Variants in UGT1A10 observed in about 807,000 individuals in gnomAD.
UGT1A10 encodes the protein UDP-glucuronosyltransferase 1A10.
UGT1A10 carries 49 observed loss-of-function variants against 45.8 expected under a neutral mutation model. The observed-to-expected ratio is 1.07, with a 90% CI of 0.85 to 1.36. The LOEUF (loss-of-function observed/expected upper bound fraction) is 1.36. Ranked by LOEUF, UGT1A10 falls within the 40% of genes most tolerant of loss-of-function variation. UGT1A10 has a pLI of 0.00. For synonymous variants in UGT1A10, 284 were observed against 249.7 expected, an observed-to-expected ratio of 1.14 and a Z score of -1.29; for missense variants, 745 against 668.6, an observed-to-expected ratio of 1.11 and a Z score of -1.26.
intron 1 of UGT1A10, among the ~76,000 whole-genome samples, chr2:233,664,688 C>T (rs2074038314): frequency 6.6e-6 from 1 of 152,116 alleles, no homozygotes; most frequent in South Asian, 2.1e-4. Flanking sequence ...CAACACAAAG[C>T]CATGAGGGAT....
chr2:233,748,577 A>T (rs1363502467), intron 1 of UGT1A10, among the ~76,000 whole-genome samples: 1 of 151,860 alleles, frequency 6.6e-6, no homozygotes, highest in Non-Finnish European at 1.5e-5. Context: ...AGTGTTAAAG[A>T]GGTTGACTCA....
chr2:233,717,564 G>A (rs569646597), intron 1 of UGT1A10, among the ~76,000 whole-genome samples: 3 of 152,318 alleles, frequency 2.0e-5, no homozygotes, highest in African/African-American at 7.2e-5. Context: ...GGCAGACATG[G>A]CCAGGCATGT....
At chr2:233,716,310 C>G (rs1253519294) in intron 1 of UGT1A10, among the ~76,000 whole-genome samples, 4 of 152,212 alleles carry the variant, frequency 2.6e-5, no homozygotes, top group African/African-American at 9.7e-5. Flanking sequence ...TCTCTTCCAC[C>G]TGTAATGGAA....
intron 1 of UGT1A10, chr2:233,760,701 C>T (rs768185321): frequency 1.2e-5 from 19 of 1,614,172 alleles, no homozygotes; most frequent in Non-Finnish European, 1.6e-5. Flanking sequence ...AGCTCATGGC[C>T]TCCCTGGCAG....
rs45619032 is a variant in UGT1A10, at chr2:233,765,042, C to T, written c.856-1992C>T. ...GGCAGGAGTCCTGCTGTGCAAATTG[C>T]GTTTGCTGAGCCCTGTCAGAGGTCT... On this transcript the variant is annotated intron_variant, in intron 1 of 4. Transcript: ENST00000344644. 6.1e-3 allele frequency among the ~76,000 whole-genome samples: 921 copies of T among 152,078 alleles called. 13 individuals carry two copies. Among genetic ancestry groups the T allele is most frequent in the African/African-American group, 0.021 (865 of 41,462 alleles).
At chr2:233,725,059 C>T (rs1273678780) in intron 1 of UGT1A10, among the ~76,000 whole-genome samples, 8 of 146,980 alleles carry the variant, frequency 5.4e-5, no homozygotes, top group African/African-American at 1.0e-4. Flanking sequence ...TGGCGGCGCG[C>T]GCCTGCAATC....
At chr2:233,705,536 G>A (rs915166566) in intron 1 of UGT1A10, among the ~76,000 whole-genome samples, 5 of 152,188 alleles carry the variant, frequency 3.3e-5, no homozygotes, top group Non-Finnish European at 7.3e-5. Flanking sequence ...CTTCAGCTGT[G>A]AAGAGCAGCT....
At chr2:233,693,254 C>G in intron 1 of UGT1A10, 1 of 1,614,058 alleles carries the variant, frequency 6.2e-7, no homozygotes, top group Non-Finnish European at 8.5e-7. Flanking sequence ...GCCGTATGAC[C>G]AAGAAGAGCT....
Position 233,772,664 on chromosome 2 carries a change from C to G in UGT1A10, c.*105C>G, listed in dbSNP as rs1700540961. 1.9e-6 allele frequency: 3 copies of G among 1,539,532 alleles called. No individual in the cohort carries two copies. Among genetic ancestry groups the G allele is most frequent in the Non-Finnish European group, 2.6e-6 (3 of 1,144,204 alleles). ...TCATTTTATTCTTATTAAGGAAATA[C>G]TTTGCATAAATTAATCAGCCCCAGA... On this transcript the variant is annotated 3_prime_UTR_variant, in exon 5 of 5. Coordinates refer to ENST00000344644, the MANE Select transcript of UGT1A10 (RefSeq NM_019075.4).
At position 233,758,345 on chromosome 2, in the gene UGT1A10, T is replaced by G. The variant is rs2125964411; in HGVS notation, c.856-8689T>G. Among the ~76,000 whole-genome samples, 4 of 152,362 alleles carry G rather than the reference T, an allele frequency of 2.6e-5. 1 individual carries two copies. In the Middle Eastern group the frequency reaches 0.01, roughly 389 times the overall value. On this transcript the variant is annotated intron_variant, in intron 1 of 4. Transcript: ENST00000344644. ...CCTCAAAAAGCTTGGAAGCTCTGCA[T>G]GATGCAGGAAAGTCATAAAATCATT...
At chr2:233,660,150 T>C (rs1480211829) in intron 1 of UGT1A10, among the ~76,000 whole-genome samples, 2 of 152,230 alleles carry the variant, frequency 1.3e-5, no homozygotes, top group African/African-American at 4.8e-5. Context: ...TAATGTATTG[T>C]TTAGGGCTTG....
intron 1 of UGT1A10, chr2:233,747,161 T>G (rs1379278040): frequency 2.1e-5 from 34 of 1,586,670 alleles, no homozygotes; most frequent in South Asian, 2.3e-5. Flanking sequence ...AGAAAACAAA[T>G]GTAGGAGGCA....
intron 1 of UGT1A10, among the ~76,000 whole-genome samples, chr2:233,698,365 C>T (rs1046100549): frequency 1.3e-5 from 2 of 152,148 alleles, no homozygotes; most frequent in African/African-American, 4.8e-5. Context: ...TGCTGAATGC[C>T]ATGAAATTGT....
intron 1 of UGT1A10, among the ~76,000 whole-genome samples, chr2:233,655,693 G>C (rs2073838625): frequency 6.6e-6 from 1 of 152,186 alleles, no homozygotes; most frequent in South Asian, 2.1e-4. Context: ...CTGAAGCAAG[G>C]ACGCCTCTCT....
chr2:233,693,438 A>G (rs774532563), intron 1 of UGT1A10: 1 of 1,614,088 alleles, frequency 6.2e-7, no homozygotes, highest in East Asian at 2.2e-5. Context: ...AGCAAGTTTG[A>G]TGCTCTTTTC....
Position 233,636,677 on chromosome 2 carries a change from G to T in UGT1A10, c.155G>T (p.Gly52Val), listed in dbSNP as rs200610421. ...QSVVEKLILR[G>V]HEVVVVMPEV... ...GTGGTGGAGAAACTTATCCTCAGGG[G>T]GCATGAGGTGGTTGTAGTCATGCCA... The change falls in exon 1 of 5, where the codon GGG (glycine) becomes GTG (valine). Residue 52 changes from glycine to valine, a missense_variant. Gly to Val is a moderately radical substitution (Grantham distance 109). Transcript: ENST00000344644. The T allele has an allele frequency of 4.3e-6, 7 of 1,614,120 alleles. No individual in the cohort carries two copies. The highest frequency in any genetic ancestry group is 1.7e-6 in the Non-Finnish European group (2 of 1,180,024).
chr2:233,690,405 C>T (rs1397339138), intron 1 of UGT1A10: 2 of 1,185,034 alleles, frequency 1.7e-6, no homozygotes, highest in Non-Finnish European at 1.1e-6. Flanking sequence ...CTATTCCCAA[C>T]ATGAAATTAC....
intron 1 of UGT1A10, among the ~76,000 whole-genome samples, chr2:233,757,568 A>ATATATATATATATATATATC (rs1696661304): frequency 7.0e-6 from 1 of 142,136 alleles, no homozygotes; most frequent in Non-Finnish European, 1.5e-5. Flanking sequence ...ATATGTATAT[A>ATATATATATATATATATATC]TGATATAGCT....
intron 1 of UGT1A10, among the ~76,000 whole-genome samples, chr2:233,757,562 G>GTATATATATA (rs1491042837): frequency 2.2e-5 from 2 of 90,868 alleles, no homozygotes; most frequent in Admixed American, 1.0e-4. Flanking sequence ...ATATATATAT[G>GTATATATATA]TATATATGAT....
Sources: gnomAD v4.1 joint callset for allele counts (sites outside exome capture counted in the v4.1 genomes callset) on GRCh38, gnomAD v4.1.1 for gene constraint, MANE v1.5 for transcripts, NCBI Gene and HGNC (gene_info 2026-07-23, HGNC 2026-07-21) for gene names.